The following LDB2 variants were observed in gnomAD, a reference collection of about 807,000 sequenced individuals.
LDB2 encodes the protein LIM domain binding 2.
A neutral mutation model predicts 44.3 loss-of-function variants in LDB2; 12 were observed. The observed-to-expected ratio is 0.27, with a 90% CI of 0.17 to 0.44. The LOEUF is 0.44. Among genes scored for constraint, LDB2 ranks in the 20% least tolerant of loss-of-function variants. LDB2 has a pLI of 1.00. For synonymous variants in LDB2, 164 were observed against 174.8 expected (o/e 0.94, Z 0.49); for missense variants, 344 against 473.5 (o/e 0.73, Z 2.54).
intron 2 of LDB2, among the ~76,000 whole-genome samples, chr4:16,681,133 A>G (rs909032579): frequency 1.3e-5 from 2 of 152,218 alleles, no homozygotes; most frequent in Non-Finnish European, 2.9e-5. Flanking sequence ...TAAAGTGACC[A>G]ATTACATGAA....
rs74948595 is a variant in LDB2 at position 16,723,580 on chromosome 4, T to C, written c.235+35578A>G. On this transcript the variant is annotated intron_variant, in intron 2 of 7. Coordinates refer to ENST00000304523, the MANE Select transcript of LDB2 (RefSeq NM_001290.5). ...TTTAAACCATATCACTTCCTTGCCC[T>C]GCCACACATGAACTCACCCCATCTT... 6.0e-4 allele frequency among the ~76,000 whole-genome samples: 92 copies of C among 152,270 alleles called. 1 individual carries two copies. In the East Asian group the frequency reaches 0.015, roughly 24 times the overall value.
chr4:16,772,051 C>T (rs1244703500), intron 1 of LDB2, among the ~76,000 whole-genome samples: 2 of 152,122 alleles, frequency 1.3e-5, no homozygotes, highest in Non-Finnish European at 2.9e-5. Flanking sequence ...GGGGACCTTC[C>T]TTCGGGCCCA....
At chr4:16,842,903 T>G (rs1324866158) in intron 1 of LDB2, among the ~76,000 whole-genome samples, 1 of 152,166 alleles carries the variant, frequency 6.6e-6, no homozygotes, top group Non-Finnish European at 1.5e-5. Context: ...AATGAGTAAA[T>G]GTATATTAAG....
At chr4:16,742,859 G>A (rs1048824483) in intron 2 of LDB2, among the ~76,000 whole-genome samples, 11 of 152,070 alleles carry the variant, frequency 7.2e-5, no homozygotes, top group Admixed American at 1.3e-4. Context: ...CTTCCACTCC[G>A]TTTCTACCTC....
intron 2 of LDB2, among the ~76,000 whole-genome samples, chr4:16,745,592 A>G (rs1764232851): frequency 6.6e-6 from 1 of 152,214 alleles, no homozygotes; most frequent in Admixed American, 6.5e-5. Flanking sequence ...AGATTCCCTG[A>G]AAACACAGAG....
At chr4:16,599,548 G>A (rs770043853) in intron 2 of LDB2, among the ~76,000 whole-genome samples, 3 of 152,050 alleles carry the variant, frequency 2.0e-5, no homozygotes, top group Non-Finnish European at 2.9e-5. Context: ...ATTCAAACAC[G>A]GATACCTTGC....
intron 2 of LDB2, among the ~76,000 whole-genome samples, chr4:16,703,309 G>A (rs1334057493): frequency 6.6e-6 from 1 of 152,224 alleles, no homozygotes; most frequent in East Asian, 1.9e-4. Context: ...GCCAGTCGTG[G>A]AAGGAGTTGG....
intron 2 of LDB2, among the ~76,000 whole-genome samples, chr4:16,675,010 T>C (rs1336487878): frequency 1.3e-5 from 2 of 152,204 alleles, no homozygotes; most frequent in African/African-American, 2.4e-5. Flanking sequence ...TATTCAAATT[T>C]TTACCTCATG....
intron 2 of LDB2, among the ~76,000 whole-genome samples, chr4:16,615,056 C>T (rs566352606): frequency 2.3e-4 from 26 of 113,116 alleles, no homozygotes; most frequent in African/African-American, 9.2e-4. Flanking sequence ...GGCGACAGAG[C>T]GAGACTCCGT....
At chr4:16,867,247 G>C (rs566836600) in intron 1 of LDB2, among the ~76,000 whole-genome samples, 1 of 152,118 alleles carries the variant, frequency 6.6e-6, no homozygotes, top group Admixed American at 6.5e-5. Context: ...GCTAACCTGC[G>C]GAGCCCTGCC....
At chr4:16,645,608 A>C (rs1405637960) in intron 2 of LDB2, among the ~76,000 whole-genome samples, 1 of 152,106 alleles carries the variant, frequency 6.6e-6, no homozygotes, top group Non-Finnish European at 1.5e-5. Context: ...CTGACAGAGT[A>C]ATGTTTTACC....
intron 1 of LDB2, among the ~76,000 whole-genome samples, chr4:16,849,819 G>A (rs1787824702): frequency 6.6e-6 from 1 of 152,188 alleles, no homozygotes; most frequent in African/African-American, 2.4e-5. Context: ...TCAGCACCTT[G>A]AAGGCAGACA....
Position 16,701,559 on chromosome 4 carries a change from G to A in LDB2, c.235+57599C>T, listed in dbSNP as rs74869865. On this transcript the variant is annotated intron_variant, in intron 2 of 7. Coordinates refer to ENST00000304523, the MANE Select transcript of LDB2 (RefSeq NM_001290.5). ...ACCAAGAACACTGTGATCGTAACCC[G>A]CATTCTTGCCTCCACTTTATAAATG... 6.7e-3 allele frequency among the ~76,000 whole-genome samples: 1,019 copies of A among 152,262 alleles called. 17 individuals are homozygous for A. Among genetic ancestry groups the A allele is most frequent in the African/African-American group, 0.023 (968 of 41,544 alleles).
At chr4:16,722,240 A>G (rs1237848873) in intron 2 of LDB2, among the ~76,000 whole-genome samples, 1 of 152,170 alleles carries the variant, frequency 6.6e-6, no homozygotes. Context: ...CAACAACCTT[A>G]TAAACTAAGT....
chr4:16,704,606 C>G (rs1284150949), intron 2 of LDB2, among the ~76,000 whole-genome samples: 2 of 152,166 alleles, frequency 1.3e-5, no homozygotes, highest in Non-Finnish European at 2.9e-5. Flanking sequence ...CTGGCTACAG[C>G]TCAAAGCAAG....
intron 1 of LDB2, among the ~76,000 whole-genome samples, chr4:16,813,025 T>A (rs1197413035): frequency 6.6e-6 from 1 of 151,430 alleles, no homozygotes; most frequent in Non-Finnish European, 1.5e-5. Context: ...TGAGACAGGG[T>A]CTTGCTCTGT....
intron 5 of LDB2, among the ~76,000 whole-genome samples, chr4:16,527,486 G>T (rs922338923): frequency 2.0e-5 from 3 of 152,208 alleles, no homozygotes; most frequent in African/African-American, 7.2e-5. Flanking sequence ...TGGTGGGAAT[G>T]TAAACTAGTA....
chr4:16,569,960 G>A (rs1384158055), intron 5 of LDB2, among the ~76,000 whole-genome samples: 1 of 152,122 alleles, frequency 6.6e-6, no homozygotes, highest in Non-Finnish European at 1.5e-5. Flanking sequence ...AGTGCTGCAG[G>A]CATTCAGTCC....
Position 16,586,528 on chromosome 4 carries a change from A to ACAC in LDB2, c.532-524_532-523insGTG, listed in dbSNP as rs1560554620. Among the ~76,000 whole-genome samples, 342 of 69,472 alleles carry ACAC rather than the reference A, an allele frequency of 4.9e-3. 2 individuals carry two copies. The highest frequency in any genetic ancestry group is 0.015 in the African/African-American group (321 of 21,614). The allele number at this position is 69,472 out of a possible 152,430, so 45.6% of individuals were successfully genotyped here. On this transcript the variant is annotated intron_variant, in intron 4 of 7. Coordinates refer to ENST00000304523, the MANE Select transcript of LDB2 (RefSeq NM_001290.5). ...CACACACACACACACACACACACAA[A>ACAC]ACACACACACACACACACACACATA...
Sources: gnomAD v4.1 joint callset for allele counts (sites outside exome capture counted in the v4.1 genomes callset) on GRCh38, gnomAD v4.1.1 for gene constraint, MANE v1.5 for transcripts, NCBI Gene and HGNC (gene_info 2026-07-23, HGNC 2026-07-21) for gene names.